The following NEO1 variants were observed in gnomAD, a reference collection of about 807,000 sequenced individuals.
The protein encoded by NEO1 is neogenin.
In NEO1, 63 loss-of-function variants were observed where a neutral mutation model predicts 159.7. That is an observed-to-expected ratio of 0.39 (90% CI 0.32 to 0.49). The LOEUF (loss-of-function observed/expected upper bound fraction) is 0.49, where lower values mean the gene tolerates loss of function less well. NEO1 is among the 20% of genes least tolerant of loss of function. The pLI is 0.85. For synonymous variants in NEO1, 633 were observed against 662.0 expected (o/e 0.96, Z 0.67); for missense variants, 1,615 against 1,831.0 (o/e 0.88, Z 2.15).
At chr15:73,160,235 G>T (rs1322381447) in intron 5 of NEO1, among the ~76,000 whole-genome samples, 1 of 151,988 alleles carries the variant, frequency 6.6e-6, no homozygotes, top group African/African-American at 2.4e-5. Context: ...TCTACTTTCT[G>T]CTCAACGCAG....
rs528637230 is a variant in NEO1, at chr15:73,296,364, C to T, written c.3902-1984C>T. On this transcript the variant is annotated intron_variant, in intron 26 of 28. Transcript: ENST00000261908. ...AGAGGGGGACCACCAGCTCCCCCGC[C>T]GTGGGGATGGCTAGCTTGAGCAAGC... Among the ~76,000 whole-genome samples the T allele has an allele frequency of 2.5e-4, 38 of 152,240 alleles. No individual in the cohort carries two copies. The South Asian group carries it at 5.6e-3, about 22-fold the overall frequency.
chr15:73,260,182 G>T, intron 14 of NEO1, 89 bp from the exon 15 acceptor site: 2 of 1,229,936 alleles, frequency 1.6e-6, no homozygotes, highest in Non-Finnish European at 2.3e-6. Flanking sequence ...CAAACAGTGT[G>T]GTAGGAAGCT....
intron 7 of NEO1, among the ~76,000 whole-genome samples, chr15:73,231,771 G>A (rs1298153090): frequency 6.6e-6 from 1 of 152,122 alleles, no homozygotes; most frequent in Non-Finnish European, 1.5e-5. Flanking sequence ...GGACTTTGGG[G>A]GCATGGGAAA....
At position 73,126,386 on chromosome 15, in the gene NEO1, T is replaced by C. The variant is rs936549959; in HGVS notation, c.725-31T>C. On this transcript the variant is annotated intron_variant, in intron 3 of 28. Coordinates refer to ENST00000261908, the MANE Select transcript of NEO1 (RefSeq NM_002499.4). Reference sequence around the variant, plus strand: ...TGTCCAGCCTGTTTTGTCCTTTAATTATTGTCTTTGTTAATTTTTTTTTTT... The same window carrying C: ...TGTCCAGCCTGTTTTGTCCTTTAATCATTGTCTTTGTTAATTTTTTTTTTT... 9 of 1,562,162 alleles carry C rather than the reference T, an allele frequency of 5.8e-6. No homozygotes were observed. In the African/African-American group the frequency reaches 1.2e-4, roughly 21 times the overall value.
intron 5 of NEO1, among the ~76,000 whole-genome samples, chr15:73,166,503 G>A (rs572844754): frequency 6.6e-6 from 1 of 152,252 alleles, no homozygotes; most frequent in Admixed American, 6.5e-5. Flanking sequence ...ACTCTCCAAT[G>A]GCTTGCAAGC....
At chr15:73,156,161 G>A (rs993948009) in intron 5 of NEO1, among the ~76,000 whole-genome samples, 9 of 152,130 alleles carry the variant, frequency 5.9e-5, no homozygotes, top group Non-Finnish European at 7.4e-5. Flanking sequence ...TGGATAGGGC[G>A]TTTTGGCTTT....
At position 73,176,482 on chromosome 15, in the gene NEO1, T is replaced by G. The variant is rs571077961; in HGVS notation, c.1095T>G (p.Thr365=). The G allele has an allele frequency of 8.6e-5, 138 of 1,612,118 alleles. 1 individual carries two copies. The South Asian group carries it at 1.1e-3, about 13-fold the overall frequency. Residue 365 remains threonine (T), a synonymous_variant, in exon 6 of 29, where the codon ACT becomes ACG. Transcript: ENST00000261908. ...SMDIVFECEV[T]GKPTPTVKWV... is the part of the protein sequence containing the mutation. The stretch of plus-strand genomic sequence containing the variant: ...ATATTGTATTTGAATGTGAAGTGAC[T>G]GGAAAACCAACTCCAACTGTGAAGT...
At chr15:73,195,776 T>C (rs1455818792) in intron 7 of NEO1, among the ~76,000 whole-genome samples, 1 of 152,198 alleles carries the variant, frequency 6.6e-6, no homozygotes, top group African/African-American at 2.4e-5. Flanking sequence ...ATTTTAGAGT[T>C]CCTCTTCATT....
intron 2 of NEO1, among the ~76,000 whole-genome samples, chr15:73,121,357 T>G (rs906322870): frequency 1.3e-5 from 2 of 152,180 alleles, no homozygotes; most frequent in South Asian, 4.1e-4. Flanking sequence ...CTGAATAGAT[T>G]CAGATTCCTC....
chr15:73,225,147 G>A (rs1197616602), intron 7 of NEO1, among the ~76,000 whole-genome samples: 1 of 152,182 alleles, frequency 6.6e-6, no homozygotes, highest in Non-Finnish European at 1.5e-5. Context: ...AGAGTCCTGT[G>A]ATGTGAACCG....
intron 5 of NEO1, among the ~76,000 whole-genome samples, chr15:73,153,845 G>A (rs572150385): frequency 2.0e-5 from 3 of 152,140 alleles, no homozygotes; most frequent in East Asian, 1.9e-4. Flanking sequence ...GAAAGCCTCC[G>A]AATTATATTT....
intron 1 of NEO1, among the ~76,000 whole-genome samples, chr15:73,109,441 T>C (rs1031429034): frequency 4.6e-5 from 7 of 152,214 alleles, no homozygotes; most frequent in African/African-American, 1.7e-4. Flanking sequence ...TGCCTTACTT[T>C]ACTGTCCCAT....
intron 5 of NEO1, among the ~76,000 whole-genome samples, chr15:73,146,948 A>C (rs554047540): frequency 1.3e-5 from 2 of 152,354 alleles, no homozygotes; most frequent in South Asian, 4.1e-4. Context: ...TTGTGGGACA[A>C]ATAAGCAAAA....
chr15:73,094,467 A>G (rs898086195), intron 1 of NEO1, among the ~76,000 whole-genome samples: 3 of 152,222 alleles, frequency 2.0e-5, no homozygotes, highest in African/African-American at 4.8e-5. Context: ...TCATTAGTTG[A>G]AGGACATTGG....
chr15:73,055,395 A>T lies in NEO1; in HGVS notation c.130+2590A>T, dbSNP rs137922462. Among the ~76,000 whole-genome samples, 4 of 151,700 alleles carry T rather than the reference A, an allele frequency of 2.6e-5. No homozygotes were observed. In the East Asian group the frequency reaches 7.7e-4, roughly 29 times the overall value. On this transcript the variant is annotated intron_variant, in intron 1 of 28. Coordinates refer to ENST00000261908, the MANE Select transcript of NEO1 (RefSeq NM_002499.4). ...TACAGTACATTTCACTGTAGTTTTCACCCTCCCCACCCTTCTTACATTTTT... is the reference window on the plus strand; with the variant it reads ...TACAGTACATTTCACTGTAGTTTTCTCCCTCCCCACCCTTCTTACATTTTT...
At chr15:73,287,460 T>C (rs1196297315) in intron 23 of NEO1, among the ~76,000 whole-genome samples, 1 of 152,232 alleles carries the variant, frequency 6.6e-6, no homozygotes, top group Non-Finnish European at 1.5e-5. Flanking sequence ...TGGCATATAC[T>C]GGGTACCCAG....
intron 5 of NEO1, among the ~76,000 whole-genome samples, chr15:73,176,017 A>G (rs2035263397): frequency 6.6e-6 from 1 of 152,196 alleles, no homozygotes; most frequent in Non-Finnish European, 1.5e-5. Flanking sequence ...TGAAAAGGAA[A>G]GTTTTATCAA....
At chr15:73,268,409 GA>G (rs1312355116) in intron 16 of NEO1, among the ~76,000 whole-genome samples, 1 of 151,900 alleles carries the variant, frequency 6.6e-6, no homozygotes, top group Non-Finnish European at 1.5e-5. Flanking sequence ...CTACATATAA[GA>G]AAAAAAATTT....
chr15:73,246,988 GT>G (rs2039828560), intron 9 of NEO1, among the ~76,000 whole-genome samples: 1 of 152,196 alleles, frequency 6.6e-6, no homozygotes, highest in African/African-American at 2.4e-5. Context: ...GGAGCTTACG[GT>G]CTGGTACCAT....
Sources: gnomAD v4.1 joint callset for allele counts (sites outside exome capture counted in the v4.1 genomes callset) on GRCh38, gnomAD v4.1.1 for gene constraint, MANE v1.5 for transcripts, NCBI Gene and HGNC (gene_info 2026-07-23, HGNC 2026-07-21) for gene names.